DDR2: variants seen among roughly 807,000 people sequenced by gnomAD.
The protein encoded by DDR2 is discoidin domain-containing receptor 2.
In DDR2, 27 loss-of-function variants were observed where a neutral mutation model predicts 94.9. That is an observed-to-expected ratio of 0.28 (90% CI 0.21 to 0.39). The LOEUF is 0.39. Ranked by LOEUF, DDR2 falls within the 10% of genes least tolerant of loss-of-function variation. The probability of loss-of-function intolerance (pLI) is 1.00; values close to 1 mark genes in which losing one functional copy is unlikely to be tolerated. For missense variants in DDR2, 783 were observed against 1,076.0 expected (o/e 0.73, Z 3.81); for synonymous variants, 382 against 377.2 (o/e 1.01, Z -0.15).
At chr1:162,779,719 G>A (rs949860177) in intron 17 of DDR2, among the ~76,000 whole-genome samples, 1 of 152,196 alleles carries the variant, frequency 6.6e-6, no homozygotes, top group Non-Finnish European at 1.5e-5. Flanking sequence ...CATGAGATAA[G>A]TGAGTGGGCC....
Position 162,775,684 on chromosome 1 carries a change from C to T in DDR2, c.1889C>T (p.Ser630Phe), listed in dbSNP as rs758532950. 6.2e-7 allele frequency: 1 copy of T among 1,614,110 alleles called. No individual in the cohort carries two copies. Residue 630 changes from serine (S) to phenylalanine (F), a missense_variant, in exon 15 of 18, where the codon TCT (serine) becomes TTT (phenylalanine). Around this residue, in one of 2 missense-constraint regions of DDR2, gnomAD observed 264 missense variants for 428.2 expected, o/e 0.62. Coordinates refer to ENST00000367921, the MANE Select transcript of DDR2 (RefSeq NM_006182.4). Reference sequence around the variant, plus strand: ...TTTCTTAAGGAGATAAAGATCATGTCTCGGCTCAAGGACCCAAACATCATC... The same window carrying T: ...TTTCTTAAGGAGATAAAGATCATGTTTCGGCTCAAGGACCCAAACATCATC... ...NDFLKEIKIMSRLKDPNIIHL... is the reference protein window; with the variant it reads ...NDFLKEIKIMFRLKDPNIIHL...
intron 2 of DDR2, among the ~76,000 whole-genome samples, chr1:162,717,001 T>C (rs1661194903): frequency 6.6e-6 from 1 of 152,148 alleles, no homozygotes; most frequent in Non-Finnish European, 1.5e-5. Context: ...TGATTATTAG[T>C]GTTACTCAGA....
At chr1:162,741,209 C>CAATACAATACAATACAATAT (rs368631311) in intron 3 of DDR2, among the ~76,000 whole-genome samples, 2 of 69,594 alleles carry the variant, frequency 2.9e-5, no homozygotes, top group Non-Finnish European at 6.4e-5. Context: ...CAATACAATA[C>CAATACAATACAATACAATAT]AATATAATAT....
intron 2 of DDR2, among the ~76,000 whole-genome samples, chr1:162,688,692 G>A (rs1659808602): frequency 1.3e-5 from 2 of 152,200 alleles, no homozygotes; most frequent in Non-Finnish European, 2.9e-5. Flanking sequence ...ACGGAGGAGG[G>A]ATGTCTGTGG....
intron 1 of DDR2, among the ~76,000 whole-genome samples, chr1:162,651,811 G>T (rs1176853958): frequency 1.3e-5 from 2 of 152,048 alleles, no homozygotes; most frequent in Admixed American, 6.6e-5. Context: ...GTCGAATCTT[G>T]GTTTACTCTT....
chr1:162,647,379 T>C (rs1657466013), intron 1 of DDR2, among the ~76,000 whole-genome samples: 1 of 152,084 alleles, frequency 6.6e-6, no homozygotes, highest in African/African-American at 2.4e-5. Context: ...CTAAGGTCAA[T>C]ATGGATTTGT....
rs117835636 is a variant in DDR2, at chr1:162,695,577, G to C, written c.-27-23460G>C. On this transcript the variant is annotated intron_variant, in intron 2 of 17. Coordinates refer to ENST00000367921, the MANE Select transcript of DDR2 (RefSeq NM_006182.4). Reference sequence around the variant, plus strand: ...TGATGCTTTGTACCATCAGTGTGAGGAGTGATGCTATTGATCCCTGCTGGG... The same window carrying C: ...TGATGCTTTGTACCATCAGTGTGAGCAGTGATGCTATTGATCCCTGCTGGG... Among the ~76,000 whole-genome samples the C allele has an allele frequency of 1.6e-3, 238 of 152,324 alleles. 4 individuals carry two copies. The East Asian group carries it at 0.034, about 22-fold the overall frequency.
chr1:162,770,163 C>G, intron 11 of DDR2, 139 bp from the exon 12 acceptor site: 1 of 834,682 alleles, frequency 1.2e-6, no homozygotes, highest in South Asian at 1.4e-5. Context: ...AGACTGCATT[C>G]CTAGCACGTG....
intron 2 of DDR2, among the ~76,000 whole-genome samples, chr1:162,715,844 G>C (rs1661144294): frequency 6.6e-6 from 1 of 152,168 alleles, no homozygotes; most frequent in African/African-American, 2.4e-5. Flanking sequence ...ACAGTGCTCT[G>C]TTTGTTAGCT....
At chr1:162,742,900 G>C (rs2684864) in intron 3 of DDR2, among the ~76,000 whole-genome samples, 1 of 152,056 alleles carries the variant, frequency 6.6e-6, no homozygotes, top group East Asian at 2.0e-4. Context: ...ATCAGATCTC[G>C]TGAGACTTAT....
intron 2 of DDR2, among the ~76,000 whole-genome samples, chr1:162,699,031 G>A (rs1261749817): frequency 1.3e-5 from 2 of 152,114 alleles, no homozygotes; most frequent in Non-Finnish European, 2.9e-5. Context: ...TATTCTCTGG[G>A]ACTTACGCTT....
chr1:162,693,402 C>A (rs1660044428), intron 2 of DDR2, among the ~76,000 whole-genome samples: 1 of 151,730 alleles, frequency 6.6e-6, no homozygotes, highest in African/African-American at 2.4e-5. Flanking sequence ...TTCTGAACCG[C>A]CTTTGTGTTT....
chr1:162,760,496 A>C (rs559173971), intron 8 of DDR2, among the ~76,000 whole-genome samples: 4 of 93,640 alleles, frequency 4.3e-5, no homozygotes, highest in Non-Finnish European at 1.1e-4. Flanking sequence ...ATATATGTAT[A>C]TACATATACA....
intron 1 of DDR2, among the ~76,000 whole-genome samples, chr1:162,638,394 A>G (rs1387887442): frequency 1.3e-5 from 2 of 152,152 alleles, no homozygotes; most frequent in South Asian, 4.2e-4. Context: ...AATTATGGCT[A>G]TCGTTCTATG....
At chr1:162,722,323 C>T (rs987039022) in intron 3 of DDR2, among the ~76,000 whole-genome samples, 5 of 152,102 alleles carry the variant, frequency 3.3e-5, no homozygotes, top group East Asian at 1.9e-4. Flanking sequence ...GGGCCTGGAG[C>T]GTAGGCTACG....
At position 162,784,805 on chromosome 1, in the gene DDR2, T is replaced by C. The variant is rs1648081654; in HGVS notation, c.*4559T>C. On this transcript the variant is annotated 3_prime_UTR_variant, in exon 18 of 18. Coordinates refer to ENST00000367921, the MANE Select transcript of DDR2 (RefSeq NM_006182.4). ...CCCTAGATCCAGTTTTCCCCATTTA[T>C]AACATTTCACTTAGTCCATTTTCGG... is the stretch of plus-strand genomic sequence containing the variant. 1 of 152,228 alleles carries C rather than the reference T, an allele frequency of 6.6e-6. No homozygotes were observed. The highest frequency in any genetic ancestry group is 6.5e-5 in the Admixed American group (1 of 15,280). The allele number at this position is 152,228 out of a possible 1,614,324, so 9.4% of individuals were successfully genotyped here.
At chr1:162,729,305 T>A (rs866380137) in intron 3 of DDR2, among the ~76,000 whole-genome samples, 20,740 of 99,970 alleles carry the variant, frequency 0.21, 1,507 homozygotes, top group Non-Finnish European at 0.25. Flanking sequence ...TATATATTTT[T>A]TTTTTTTTTT....
intron 1 of DDR2, among the ~76,000 whole-genome samples, chr1:162,639,213 G>C (rs1282531222): frequency 6.6e-6 from 1 of 152,106 alleles, no homozygotes; most frequent in African/African-American, 2.4e-5. Flanking sequence ...CAAAGTCAAA[G>C]GACTGACAGT....
chr1:162,708,283 T>C (rs1660746034), intron 2 of DDR2, among the ~76,000 whole-genome samples: 1 of 152,192 alleles, frequency 6.6e-6, no homozygotes, highest in Non-Finnish European at 1.5e-5. Context: ...ACACATGATC[T>C]CTTCTGGGTT....
Sources: allele counts gnomAD v4.1 joint callset (sites outside exome capture counted in the v4.1 genomes callset), GRCh38; gene constraint gnomAD v4.1.1; regional missense constraint gnomAD v4.1.1; transcripts MANE v1.5; gene names NCBI Gene and HGNC (gene_info 2026-07-23, HGNC 2026-07-21).